DPP10: variants seen among roughly 807,000 people sequenced by gnomAD.
The protein encoded by DPP10 is inactive dipeptidyl peptidase 10.
In DPP10, 33 loss-of-function variants were observed where a neutral mutation model predicts 120.9. The observed-to-expected ratio is 0.27, with a 90% CI of 0.21 to 0.37. DPP10 has a LOEUF of 0.37. Ranked by LOEUF, DPP10 falls within the 10% of genes least tolerant of loss-of-function variation. DPP10 has a pLI of 1.00. For missense variants in DPP10, 816 were observed against 942.8 expected, an observed-to-expected ratio of 0.87 and a Z score of 1.76; for synonymous variants, 337 against 326.1, an observed-to-expected ratio of 1.03 and a Z score of -0.36.
chr2:115,736,294 T>C (rs954055524), intron 8 of DPP10, among the ~76,000 whole-genome samples: 1 of 152,082 alleles, frequency 6.6e-6, no homozygotes. Flanking sequence ...GCACACTGCA[T>C]GTTAAAGGAT....
chr2:115,590,331 C>T (rs532990996), intron 5 of DPP10, among the ~76,000 whole-genome samples: 10 of 152,104 alleles, frequency 6.6e-5, no homozygotes, highest in South Asian at 2.1e-4. Flanking sequence ...CCCCACCTCA[C>T]GACAGGCTCC....
Position 114,786,818 on chromosome 2 carries a change from G to A in DPP10, c.60+343980G>A, listed in dbSNP as rs560668721. Among the ~76,000 whole-genome samples the A allele has an allele frequency of 3.4e-3, 516 of 152,276 alleles. 1 individual carries two copies. The highest frequency in any genetic ancestry group is 5.1e-3 in the Non-Finnish European group (349 of 68,018). Reference sequence around the variant, plus strand: ...GGTCAAAAAAGCCACCTGGGCCAGCGCTGGCTGGGCCTCTGGAAAATTGGG... The same window carrying A: ...GGTCAAAAAAGCCACCTGGGCCAGCACTGGCTGGGCCTCTGGAAAATTGGG... On this transcript the variant is annotated intron_variant, in intron 1 of 25. Transcript: ENST00000410059.
intron 5 of DPP10, among the ~76,000 whole-genome samples, chr2:115,649,394 A>G (rs1223037236): frequency 6.6e-6 from 1 of 152,104 alleles, no homozygotes; most frequent in Admixed American, 6.6e-5. Context: ...CGTGAAATAT[A>G]TTGTAGAAAC....
chr2:114,751,419 T>C (rs1194589389), intron 1 of DPP10, among the ~76,000 whole-genome samples: 2 of 152,204 alleles, frequency 1.3e-5, no homozygotes, highest in Non-Finnish European at 2.9e-5. Context: ...TCCTTATTGA[T>C]CCTAGGCTGC....
intron 4 of DPP10, among the ~76,000 whole-genome samples, chr2:115,515,633 A>G (rs533815279): frequency 2.0e-5 from 3 of 152,084 alleles, no homozygotes; most frequent in African/African-American, 7.2e-5. Context: ...TAATATCTGT[A>G]AAGTCCACTG....
chr2:115,718,365 T>C (rs2092557244), intron 7 of DPP10, among the ~76,000 whole-genome samples: 1 of 152,140 alleles, frequency 6.6e-6, no homozygotes. Context: ...CAAAGAGCAA[T>C]TGACACTGTC....
At chr2:115,618,513 C>T (rs917914004) in intron 5 of DPP10, among the ~76,000 whole-genome samples, 6 of 152,166 alleles carry the variant, frequency 3.9e-5, no homozygotes, top group Non-Finnish European at 5.9e-5. Context: ...CCCATGGTTT[C>T]ATTTAACTGT....
At chr2:114,817,207 G>A (rs1207384307) in intron 1 of DPP10, among the ~76,000 whole-genome samples, 1 of 151,866 alleles carries the variant, frequency 6.6e-6, no homozygotes, top group Non-Finnish European at 1.5e-5. Flanking sequence ...AAATGAGGCA[G>A]CCTCTGCCTT....
intron 3 of DPP10, among the ~76,000 whole-genome samples, chr2:115,438,738 A>G (rs112108580): frequency 6.7e-6 from 1 of 150,372 alleles, no homozygotes; most frequent in Non-Finnish European, 1.5e-5. Flanking sequence ...ATGGTCATGG[A>G]AGCACAATGT....
At chr2:114,944,137 A>G (rs1346651914) in intron 1 of DPP10, among the ~76,000 whole-genome samples, 2 of 152,186 alleles carry the variant, frequency 1.3e-5, no homozygotes, top group Non-Finnish European at 2.9e-5. Context: ...TGTGCATTAA[A>G]CATATTCTTG....
intron 1 of DPP10, among the ~76,000 whole-genome samples, chr2:114,482,291 G>C (rs1434680685): frequency 6.6e-6 from 1 of 152,140 alleles, no homozygotes; most frequent in Non-Finnish European, 1.5e-5. Context: ...GAAAGTGAAT[G>C]TGGTGATAGA....
At chr2:115,049,372 G>C (rs1021283474) in intron 1 of DPP10, among the ~76,000 whole-genome samples, 2 of 152,092 alleles carry the variant, frequency 1.3e-5, no homozygotes, top group Admixed American at 6.6e-5. Flanking sequence ...AGAAAAGAGA[G>C]TCAATCAGAC....
intron 11 of DPP10, among the ~76,000 whole-genome samples, chr2:115,756,391 CCTGA>C (rs1255806599): frequency 6.6e-6 from 1 of 151,988 alleles, no homozygotes; most frequent in African/African-American, 2.4e-5. Context: ...TATTAATTAT[CCTGA>C]CTTTGTCATT....
intron 1 of DPP10, among the ~76,000 whole-genome samples, chr2:115,283,165 G>C (rs2060230676): frequency 6.6e-6 from 1 of 151,838 alleles, no homozygotes; most frequent in Non-Finnish European, 1.5e-5. Context: ...AAGACAGCGG[G>C]GCTTCCTGTG....
chr2:115,699,828 T>C (rs2091805812), intron 7 of DPP10, among the ~76,000 whole-genome samples: 3 of 152,202 alleles, frequency 2.0e-5, no homozygotes, highest in African/African-American at 7.2e-5. Context: ...TTATACAACA[T>C]AGCTAACTGG....
chr2:114,475,911 A>T (rs1680335839), intron 1 of DPP10, among the ~76,000 whole-genome samples: 1 of 151,986 alleles, frequency 6.6e-6, no homozygotes, highest in Non-Finnish European at 1.5e-5. Flanking sequence ...TTTTGTTCAA[A>T]CAAGTTTTCC....
intron 1 of DPP10, among the ~76,000 whole-genome samples, chr2:115,013,793 ACTAT>A (rs1368191824): frequency 3.3e-5 from 5 of 152,248 alleles, no homozygotes; most frequent in Admixed American, 3.3e-4. Flanking sequence ...AGAAAAGCTA[ACTAT>A]CCTAAATATA....
chr2:115,844,108 G>A lies in DPP10; in HGVS notation c.*1763G>A, dbSNP rs775296465. On this transcript the variant is annotated 3_prime_UTR_variant, in exon 26 of 26. Coordinates refer to ENST00000410059, the MANE Select transcript of DPP10 (RefSeq NM_020868.6). Reference sequence around the variant, plus strand: ...TTCTCTTCTGAAAGATCCATTTTAGGTCTTTTTCAAGAATAGTGAACACAT... The same window carrying A: ...TTCTCTTCTGAAAGATCCATTTTAGATCTTTTTCAAGAATAGTGAACACAT... The A allele has an allele frequency of 4.6e-5, 7 of 152,482 alleles. No homozygotes were observed. The highest frequency in any genetic ancestry group is 1.0e-4 in the Non-Finnish European group (7 of 67,970). The allele number at this position is 152,482 out of a possible 1,614,324, so 9.4% of individuals were successfully genotyped here.
intron 1 of DPP10, among the ~76,000 whole-genome samples, chr2:114,459,057 T>C (rs984722573): frequency 6.6e-6 from 1 of 152,206 alleles, no homozygotes; most frequent in African/African-American, 2.4e-5. Flanking sequence ...GAGAATAATA[T>C]AGGCAAATTG....
Sources: gnomAD v4.1 joint callset for allele counts (sites outside exome capture counted in the v4.1 genomes callset) on GRCh38, gnomAD v4.1.1 for gene constraint, MANE v1.5 for transcripts, NCBI Gene and HGNC (gene_info 2026-07-23, HGNC 2026-07-21) for gene names.